PGAM5: variants seen among roughly 807,000 people sequenced by gnomAD.
PGAM5 encodes PGAM family member 5, mitochondrial serine/threonine protein phosphatase, also known as serine/threonine-protein phosphatase PGAM5, mitochondrial.
Under a neutral mutation model 30.6 loss-of-function variants are expected in PGAM5, and 25 were observed. That is an observed-to-expected ratio of 0.82 (90% CI 0.60 to 1.14). The LOEUF is 1.14. Among genes scored for constraint, PGAM5 ranks in the 50% most tolerant of loss-of-function variants. The pLI, the probability that PGAM5 is intolerant of heterozygous loss-of-function variation, is 0.00. For synonymous variants in PGAM5, 201 were observed against 179.1 expected (o/e 1.12, Z -0.98); for missense variants, 384 against 408.5 (o/e 0.94, Z 0.52).
chr12:132,713,548 C>T (rs1196646361), intron 1 of PGAM5, among the ~76,000 whole-genome samples: 1 of 152,196 alleles, frequency 6.6e-6, no homozygotes, highest in Non-Finnish European at 1.5e-5. Context: ...CCCAGGTCGG[C>T]GTGGCCCAAA....
chr12:132,714,729 G>A, intron 1 of PGAM5, 129 bp from the exon 2 acceptor site: 3 of 1,035,026 alleles, frequency 2.9e-6, no homozygotes, highest in Non-Finnish European at 4.2e-6. Flanking sequence ...CCCCAGGGCT[G>A]TGCCAAGGGC....
At chr12:132,719,232 T>C in intron 5 of PGAM5, 1 of 1,137,352 alleles carries the variant, frequency 8.8e-7, no homozygotes, top group Non-Finnish European at 1.1e-6. Flanking sequence ...GGGGCCCTCT[T>C]GAGTGTGACG....
intron 5 of PGAM5, 118 bp downstream of exon 5, chr12:132,718,238 C>A: frequency 7.5e-7 from 1 of 1,333,926 alleles, no homozygotes; most frequent in Non-Finnish European, 1.0e-6. Flanking sequence ...CAGGCCTCAC[C>A]AGCCCCCGGG....
In PGAM5 at chr12:132,721,859, T is replaced by G. The variant is rs1341220419; in HGVS notation, c.*1031T>G. 6.6e-6 allele frequency: 1 copy of G among 152,226 alleles called. No homozygotes were observed. The highest frequency in any genetic ancestry group is 2.4e-5 in the African/African-American group (1 of 41,472). The allele number at this position is 152,226 out of a possible 1,614,324, so 9.4% of individuals were successfully genotyped here. On this transcript the variant is annotated 3_prime_UTR_variant, in exon 6 of 6. Coordinates refer to ENST00000498926, the MANE Select transcript of PGAM5 (RefSeq NM_001170543.2). ...CTCAGGTGATTCACCCACCTTGGCC[T>G]CCCAAAGTGCTGGGATTAAAGGTGT... is the stretch of plus-strand genomic sequence containing the variant.
rs1334504696 is a variant in PGAM5 at position 132,713,815 on chromosome 12, G to GGACCA, written c.192-1042_192-1038dup. On this transcript the variant is annotated intron_variant, in intron 1 of 5. Transcript: ENST00000498926. ...CCTGAGTAGCCGGGACTACAGCTGT[G>GGACCA]GACCACCTTGCCCGGCTAATTTTTT... Among the ~76,000 whole-genome samples the GGACCA allele has an allele frequency of 2.6e-5, 4 of 151,920 alleles. No individual in the cohort carries two copies. In the East Asian group the frequency reaches 7.7e-4, roughly 29 times the overall value.
rs1469863658 is a variant in PGAM5 at position 132,710,948 on chromosome 12, G to A, written c.72G>A (p.Ser24=). 20 of 1,178,170 alleles carry A rather than the reference G, an allele frequency of 1.7e-5. No individual in the cohort carries two copies. Among genetic ancestry groups the A allele is most frequent in the Admixed American group, 4.6e-5 (1 of 21,856 alleles). 73.0% of individuals were successfully genotyped at this position (1,178,170 alleles called of 1,614,324 possible). ...LAGGSAAVLF[S]AVAVGKPRAG... The stretch of plus-strand genomic sequence containing the variant: ...GGGGCTCGGCCGCCGTGCTCTTCTC[G>A]GCCGTGGCGGTAGGGAAGCCGCGCG... Residue 24 remains serine, a synonymous_variant, in exon 1 of 6, where the codon TCG becomes TCA. Transcript: ENST00000498926.
At chr12:132,713,276 G>T (rs531784613) in intron 1 of PGAM5, among the ~76,000 whole-genome samples, 57 of 152,312 alleles carry the variant, frequency 3.7e-4, no homozygotes, top group African/African-American at 1.3e-3. Flanking sequence ...GGGCCTTGTG[G>T]GTTGGGAAAG....
chr12:132,718,052 C>T lies in PGAM5; in HGVS notation c.651C>T (p.Ala217=), dbSNP rs142036300. The stretch of plus-strand genomic sequence containing the variant: ...GGAACTACATCCACCGCGCAGATGC[C>T]AGGCAGGAGGAGGACAGTTACGAGA... The part of the protein sequence containing the change: ...AFRNYIHRAD[A]RQEEDSYEIF... Residue 217 remains alanine, a synonymous_variant, in exon 5 of 6, where the codon GCC becomes GCT. Transcript: ENST00000498926. 3.7e-6 allele frequency: 6 copies of T among 1,612,756 alleles called. No homozygotes were observed. In the African/African-American group the frequency reaches 6.7e-5, roughly 18 times the overall value.
intron 1 of PGAM5, among the ~76,000 whole-genome samples, chr12:132,714,091 C>T (rs752320166): frequency 2.0e-5 from 3 of 152,234 alleles, no homozygotes; most frequent in Non-Finnish European, 4.4e-5. Flanking sequence ...GATCTCGGCT[C>T]TCTGCAACCT....
At chr12:132,717,868 A>G in intron 4 of PGAM5, 70 bp downstream of exon 4, 1 of 1,591,310 alleles carries the variant, frequency 6.3e-7, no homozygotes. Flanking sequence ...TGCTGGGCTC[A>G]CCATCCACCA....
rs755856895 is a variant in PGAM5, at chr12:132,722,243, GTTTTTTTTTTGTT to G, written c.*1426_*1438del. The G allele has an allele frequency of 7.4e-5, 5 of 67,146 alleles. No homozygotes were observed. Among genetic ancestry groups the G allele is most frequent in the South Asian group, 4.8e-4 (1 of 2,066 alleles). The allele number at this position is 67,146 out of a possible 1,614,324, so 4.2% of individuals were successfully genotyped here. A position where few individuals can be genotyped will look rare whatever the true frequency, so the allele number is the denominator to read the frequency against. On this transcript the variant is annotated 3_prime_UTR_variant, in exon 6 of 6. Transcript: ENST00000498926. ...TTTATGCTTAGGGATTAAATGTGTG[GTTTTTTTTTTGTT>G]TTTTTTTTTTTGGAGACGGAGTCTC...
rs2043637540 is a variant in PGAM5, at chr12:132,720,838, CCT to C, written c.*14_*15del. 6.5e-7 allele frequency: 1 copy of C among 1,534,932 alleles called. No individual in the cohort carries two copies. The highest frequency in any genetic ancestry group is 8.7e-7 in the Non-Finnish European group (1 of 1,145,932). ...GATCACTCGATCCTGAGGGCTCCGG[CCT>C]CTCCTTCCCTCTGTCCTCCCTGCAC... On this transcript the variant is annotated 3_prime_UTR_variant, in exon 6 of 6. Transcript: ENST00000498926.
intron 1 of PGAM5, among the ~76,000 whole-genome samples, chr12:132,714,049 A>T (rs551313047): frequency 6.7e-6 from 1 of 150,200 alleles, no homozygotes; most frequent in South Asian, 2.1e-4. Context: ...GCGGAGTCTC[A>T]CTCTGTCGCC....
rs1316987402 is a variant in PGAM5, at chr12:132,722,402, C to T, written c.*1574C>T. Reference sequence around the variant, plus strand: ...AGTAGCTGGGATTATAGGCGCCCACCACCATGCCTGGCTAATTTTTTATTT... The same window carrying T: ...AGTAGCTGGGATTATAGGCGCCCACTACCATGCCTGGCTAATTTTTTATTT... On this transcript the variant is annotated 3_prime_UTR_variant, in exon 6 of 6. Transcript: ENST00000498926. The T allele has an allele frequency of 6.6e-6, 1 of 151,996 alleles. No homozygotes were observed. Among genetic ancestry groups the T allele is most frequent in the Non-Finnish European group, 1.5e-5 (1 of 68,024 alleles). The allele number at this position is 151,996 out of a possible 1,614,324, so 9.4% of individuals were successfully genotyped here.
intron 1 of PGAM5, among the ~76,000 whole-genome samples, chr12:132,711,872 C>T (rs977609791): frequency 6.6e-6 from 1 of 151,554 alleles, no homozygotes; most frequent in East Asian, 1.9e-4. Context: ...AAAGTATGAT[C>T]GAAATTCACC....
In PGAM5 at chr12:132,711,021, G is replaced by A; in HGVS notation, c.145G>A (p.Gly49Arg). The change falls in exon 1 of 6, where the codon GGG becomes AGG. Residue 49 changes from glycine to arginine, a missense_variant. Transcript: ENST00000498926. ...CCCGGCTGAGCCGCCGGCCTGGGCG[G>A]GGGGCGCGCGGCCGGGCCCCGGTGT... ...PRPAEPPAWAGGARPGPGVWD... is the reference protein window; with the variant it reads ...PRPAEPPAWARGARPGPGVWD... 3 of 1,215,698 alleles carry A rather than the reference G, an allele frequency of 2.5e-6. No individual in the cohort carries two copies. Among genetic ancestry groups the A allele is most frequent in the Non-Finnish European group, 3.1e-6 (3 of 978,040 alleles). 75.3% of individuals were successfully genotyped at this position (1,215,698 alleles called of 1,614,324 possible). A position where few individuals can be genotyped will look rare whatever the true frequency, so the allele number is the denominator to read the frequency against.
Position 132,714,995 on chromosome 12 carries a change from T to C in PGAM5, c.329T>C (p.Val110Ala), listed in dbSNP as rs751253137. The C allele has an allele frequency of 2.5e-6, 4 of 1,613,318 alleles. No homozygotes were observed. Among genetic ancestry groups the C allele is most frequent in the Non-Finnish European group, 3.4e-6 (4 of 1,179,972 alleles). ...IFLIRHSQYH[V>A]DGSLEKDRTL... ...CTCATCAGGCATTCCCAGTACCACGTGGATGGCTCCCTGGAGAAGGACCGC... is the reference window on the plus strand; with the variant it reads ...CTCATCAGGCATTCCCAGTACCACGCGGATGGCTCCCTGGAGAAGGACCGC... The change falls in exon 2 of 6, where the codon GTG (valine) becomes GCG (alanine). Residue 110 changes from valine (V) to alanine (A), a missense_variant. Transcript: ENST00000498926.
chr12:132,719,001 G>A (rs1255309221), intron 5 of PGAM5: 21 of 1,438,354 alleles, frequency 1.5e-5, no homozygotes, highest in Non-Finnish European at 1.8e-5. Flanking sequence ...CCGGGTTCAG[G>A]TTGCGTTTTC....
intron 5 of PGAM5, 87 bp from the exon 6 acceptor site, chr12:132,720,591 C>T (rs568294111): frequency 6.5e-6 from 9 of 1,387,476 alleles, no homozygotes; most frequent in South Asian, 5.6e-5. Context: ...CAGGTGTGAG[C>T]CACCATGCCC....
Sources: gnomAD v4.1 joint callset for allele counts (sites outside exome capture counted in the v4.1 genomes callset) on GRCh38, gnomAD v4.1.1 for gene constraint, MANE v1.5 for transcripts, NCBI Gene and HGNC (gene_info 2026-07-23, HGNC 2026-07-21) for gene names.